DPP6: variants seen among roughly 807,000 people sequenced by gnomAD.
The protein encoded by DPP6 is dipeptidyl peptidase like 6.
In DPP6, 69 loss-of-function variants were observed where a neutral mutation model predicts 122.6. The observed-to-expected ratio is 0.56, with a 90% CI of 0.46 to 0.69. The LOEUF (loss-of-function observed/expected upper bound fraction) is 0.69. Ranked by LOEUF, DPP6 falls within the 30% of genes least tolerant of loss-of-function variation. The pLI is 0.00. For missense variants in DPP6, 928 were observed against 1,116.9 expected, an observed-to-expected ratio of 0.83 and a Z score of 2.41; for synonymous variants, 418 against 433.1, an observed-to-expected ratio of 0.97 and a Z score of 0.43.
chr7:154,031,756 G>A (rs557782069), intron 1 of DPP6, among the ~76,000 whole-genome samples: 2 of 151,994 alleles, frequency 1.3e-5, no homozygotes, highest in East Asian at 3.9e-4. Context: ...TAGCATTTCT[G>A]GAGTCCAGGC....
intron 16 of DPP6, among the ~76,000 whole-genome samples, chr7:154,852,289 G>A (rs867900691): frequency 1.2e-4 from 18 of 152,138 alleles, no homozygotes; most frequent in Non-Finnish European, 1.5e-4. Context: ...CTTCAGCTTT[G>A]CTGTGGCCAC....
At chr7:154,415,572 C>T (rs540255318) in intron 1 of DPP6, among the ~76,000 whole-genome samples, 2 of 151,944 alleles carry the variant, frequency 1.3e-5, no homozygotes, top group Non-Finnish European at 2.9e-5. Flanking sequence ...TTTAAAGGTG[C>T]CTGTGGGTCC....
intron 23 of DPP6, among the ~76,000 whole-genome samples, chr7:154,888,481 A>C (rs1253901764): frequency 1.3e-5 from 2 of 152,116 alleles, no homozygotes; most frequent in Non-Finnish European, 2.9e-5. Flanking sequence ...CAGACACGGC[A>C]TTTCTCCAGC....
chr7:154,544,360 A>G (rs1183839106), intron 4 of DPP6, among the ~76,000 whole-genome samples: 1 of 152,194 alleles, frequency 6.6e-6, no homozygotes, highest in Non-Finnish European at 1.5e-5. Context: ...GCACAAGTGC[A>G]TCATCTCTGA....
At chr7:154,319,997 T>A (rs1807791627) in intron 1 of DPP6, among the ~76,000 whole-genome samples, 1 of 61,242 alleles carries the variant, frequency 1.6e-5, no homozygotes, top group Non-Finnish European at 3.2e-5. Context: ...TCTCAAATAT[T>A]TCAAATATAT....
chr7:154,002,385 G>T (rs1054955312), intron 1 of DPP6, among the ~76,000 whole-genome samples: 42 of 152,152 alleles, frequency 2.8e-4, no homozygotes, highest in Non-Finnish European at 4.7e-4. Flanking sequence ...CTGCTACATT[G>T]CCAGAAAGGT....
chr7:154,754,519 A>C (rs537013646), intron 8 of DPP6, among the ~76,000 whole-genome samples: 138 of 152,336 alleles, frequency 9.1e-4, no homozygotes, highest in African/African-American at 3.2e-3. Flanking sequence ...TAGGAAGAAA[A>C]ATGTAAACTA....
chr7:154,616,059 G>T (rs1834231628), intron 5 of DPP6, among the ~76,000 whole-genome samples: 1 of 152,088 alleles, frequency 6.6e-6, no homozygotes, highest in African/African-American at 2.4e-5. Context: ...GGAGATTTTT[G>T]ATAAGAACAG....
intron 1 of DPP6, among the ~76,000 whole-genome samples, chr7:154,126,048 G>A (rs941564285): frequency 3.9e-5 from 6 of 152,196 alleles, no homozygotes; most frequent in African/African-American, 1.4e-4. Context: ...CTCACTGTAA[G>A]AAGTGGTACC....
chr7:154,827,765 G>C lies in DPP6; in HGVS notation c.1666+20653G>C, dbSNP rs187053926. ...GTCGGAGCCCAAGTGGAGTGAGGAGGGGGTGTCTCCCAGAAAGGATGTCCT... is the reference window on the plus strand; with the variant it reads ...GTCGGAGCCCAAGTGGAGTGAGGAGCGGGTGTCTCCCAGAAAGGATGTCCT... On this transcript the variant is annotated intron_variant, in intron 16 of 25. Transcript: ENST00000377770. Among the ~76,000 whole-genome samples, 182 of 143,132 alleles carry C rather than the reference G, an allele frequency of 1.3e-3. 3 individuals carry two copies. Among genetic ancestry groups the C allele is most frequent in the Admixed American group, 0.011 (157 of 14,190 alleles). 93.9% of individuals were successfully genotyped at this position (143,132 alleles called of 152,430 possible).
At chr7:154,311,143 T>C (rs986244488) in intron 1 of DPP6, among the ~76,000 whole-genome samples, 2 of 152,196 alleles carry the variant, frequency 1.3e-5, no homozygotes, top group Non-Finnish European at 2.9e-5. Context: ...AAAGTGGTTT[T>C]ATTTGAAGAT....
intron 2 of DPP6, among the ~76,000 whole-genome samples, chr7:154,449,803 C>T (rs1022829228): frequency 2.0e-5 from 3 of 151,688 alleles, no homozygotes; most frequent in Non-Finnish European, 2.9e-5. Context: ...GTCAGGAAGC[C>T]GAGACCATAC....
intron 1 of DPP6, among the ~76,000 whole-genome samples, chr7:154,339,696 A>G (rs1425866496): frequency 6.6e-6 from 1 of 152,084 alleles, no homozygotes; most frequent in Non-Finnish European, 1.5e-5. Context: ...TTAAAATAGG[A>G]AGCAGTCTTT....
At chr7:154,399,121 A>T (rs1295483517) in intron 1 of DPP6, among the ~76,000 whole-genome samples, 1 of 152,206 alleles carries the variant, frequency 6.6e-6, no homozygotes, top group African/African-American at 2.4e-5. Flanking sequence ...AGACCAAAGC[A>T]ACAATGACAA....
chr7:154,644,395 C>T, intron 6 of DPP6, among the ~76,000 whole-genome samples: 1 of 152,164 alleles, frequency 6.6e-6, no homozygotes, highest in Non-Finnish European at 1.5e-5. Flanking sequence ...TCTGTGGCAG[C>T]CTGGGCTCCT....
intron 2 of DPP6, among the ~76,000 whole-genome samples, chr7:154,463,459 G>A (rs1386741565): frequency 6.6e-6 from 1 of 151,720 alleles, no homozygotes; most frequent in Admixed American, 6.6e-5. Flanking sequence ...CGCCCGTCTC[G>A]GCCTCCCAAA....
rs760244459 is a variant in DPP6, at chr7:154,605,934, CAT to C, written c.628-31886_628-31885del. Among the ~76,000 whole-genome samples, 33 of 119,454 alleles carry C rather than the reference CAT, an allele frequency of 2.8e-4. 10 individuals carry two copies. The highest frequency in any genetic ancestry group is 4.3e-4 in the Non-Finnish European group (23 of 53,024). 78.4% of individuals were successfully genotyped at this position (119,454 alleles called of 152,430 possible). A position where few individuals can be genotyped will look rare whatever the true frequency, so the allele number is the denominator to read the frequency against. On this transcript the variant is annotated intron_variant, in intron 5 of 25. Coordinates refer to ENST00000377770, the MANE Select transcript of DPP6 (RefSeq NM_130797.4). ...ATATTTTGCATTATAATTTTTTACT[CAT>C]GTGTTATTTTGTTTCCGAATATATG...
intron 3 of DPP6, among the ~76,000 whole-genome samples, chr7:154,526,727 T>G (rs1827434674): frequency 1.3e-5 from 2 of 152,232 alleles, no homozygotes; most frequent in Non-Finnish European, 2.9e-5. Flanking sequence ...TCATTTTTGA[T>G]TCTTCTTATA....
At chr7:154,726,068 G>C (rs1243836618) in intron 7 of DPP6, among the ~76,000 whole-genome samples, 1 of 152,226 alleles carries the variant, frequency 6.6e-6, no homozygotes, top group Non-Finnish European at 1.5e-5. Flanking sequence ...ACTCTGCCCT[G>C]TAGCTCTGCA....
Sources: allele counts gnomAD v4.1 joint callset (sites outside exome capture counted in the v4.1 genomes callset), GRCh38; gene constraint gnomAD v4.1.1; transcripts MANE v1.5; gene names NCBI Gene and HGNC (gene_info 2026-07-23, HGNC 2026-07-21).